The following SRRM3 variants were observed in gnomAD, a reference collection of about 807,000 sequenced individuals.
SRRM3 encodes serine/arginine repetitive matrix protein 3.
SRRM3 carries 27 observed loss-of-function variants against 66.2 expected under a neutral mutation model. The observed-to-expected ratio is 0.41, with a 90% CI of 0.30 to 0.56. The LOEUF is 0.56. Among genes scored for constraint, SRRM3 ranks in the 20% least tolerant of loss-of-function variants. SRRM3 has a pLI of 0.32. For synonymous variants in SRRM3, 391 were observed against 414.9 expected (o/e 0.94, Z 0.70); for missense variants, 918 against 991.9 (o/e 0.93, Z 1.00).
intron 11 of SRRM3, among the ~76,000 whole-genome samples, chr7:76,273,910 C>T (rs1030861191): frequency 1.4e-4 from 22 of 152,208 alleles, no homozygotes; most frequent in Non-Finnish European, 3.1e-4. Flanking sequence ...TGACTTCCAC[C>T]CCTAAATCCT....
chr7:76,283,519 T>C (rs1554612328), intron 14 of SRRM3: 1 of 448,062 alleles, frequency 2.2e-6, no homozygotes, highest in Non-Finnish European at 4.4e-6. Context: ...CTCCTTCATC[T>C]CAAGGTCCAG....
intron 1 of SRRM3, among the ~76,000 whole-genome samples, chr7:76,205,412 G>C (rs1800270893): frequency 6.6e-6 from 1 of 152,116 alleles, no homozygotes; most frequent in African/African-American, 2.4e-5. Flanking sequence ...GTTTTGTGAT[G>C]TTGGCCAAGC....
chr7:76,210,569 A>C (rs1218944351), intron 1 of SRRM3, among the ~76,000 whole-genome samples: 1 of 152,152 alleles, frequency 6.6e-6, no homozygotes, highest in African/African-American at 2.4e-5. Context: ...TGTGCTAGGC[A>C]TTAGGTAAAG....
intron 1 of SRRM3, among the ~76,000 whole-genome samples, chr7:76,213,334 T>C (rs1800482189): frequency 6.6e-6 from 1 of 152,122 alleles, no homozygotes; most frequent in Admixed American, 6.6e-5. Flanking sequence ...ACACTGGTGG[T>C]TTACCTTTCC....
At chr7:76,261,310 C>G in intron 6 of SRRM3, 42 bp from the exon 7 acceptor site, 1 of 362,064 alleles carries the variant, frequency 2.8e-6, no homozygotes, top group Non-Finnish European at 5.4e-6. Context: ...GCCCCCCACC[C>G]CCCACCCCAG....
intron 1 of SRRM3, among the ~76,000 whole-genome samples, chr7:76,225,335 T>TACTTGAA (rs879964304): frequency 3.1e-4 from 47 of 152,284 alleles, no homozygotes; most frequent in Non-Finnish European, 5.7e-4. Flanking sequence ...CTCAAGTGCT[T>TACTTGAA]ACTTGAAGCT....
intron 1 of SRRM3, among the ~76,000 whole-genome samples, chr7:76,217,607 A>G (rs1393290513): frequency 6.6e-6 from 1 of 152,168 alleles, no homozygotes; most frequent in African/African-American, 2.4e-5. Flanking sequence ...TTTTACGTCC[A>G]GCATAAAACC....
Position 76,285,270 on chromosome 7 carries a change from G to T in SRRM3, c.1734-345G>T. The T allele has an allele frequency of 7.1e-6, 2 of 282,464 alleles. No individual in the cohort carries two copies. The highest frequency in any genetic ancestry group is 4.0e-5 in the South Asian group (1 of 24,738). 17.5% of individuals were successfully genotyped at this position (282,464 alleles called of 1,614,324 possible). Reference sequence around the variant, plus strand: ...GTAGAGACAGGGTTTCATTATGTTGGCCAGACTGGTCTCAAACTTCTGACC... The same window carrying T: ...GTAGAGACAGGGTTTCATTATGTTGTCCAGACTGGTCTCAAACTTCTGACC... On this transcript the variant is annotated intron_variant, in intron 14 of 14. Coordinates refer to ENST00000611745, the MANE Select transcript of SRRM3 (RefSeq NM_001110199.3). This position sits in a 1 kb window ranked among gnomAD's most constrained non-coding sequence, Gnocchi z 4.1.
rs1802081198 is a variant in SRRM3, at chr7:76,267,147, G to A, written c.831-111G>A. 3.9e-6 allele frequency: 4 copies of A among 1,031,216 alleles called. No individual in the cohort carries two copies. In the South Asian group the frequency reaches 8.3e-5, roughly 21 times the overall value. The allele number at this position is 1,031,216 out of a possible 1,614,324, so 63.9% of individuals were successfully genotyped here. A position where few individuals can be genotyped will look rare whatever the true frequency, so the allele number is the denominator to read the frequency against. On this transcript the variant is annotated intron_variant, in intron 10 of 14. Transcript: ENST00000611745. ...TCCCAGCATGGTGAAAAGGCAGGTG[G>A]AGGGCTGCTCTCTTTCCCCGTGCTG...
chr7:76,230,655 G>A (rs782138854), intron 1 of SRRM3, among the ~76,000 whole-genome samples: 4 of 151,578 alleles, frequency 2.6e-5, no homozygotes, highest in Non-Finnish European at 2.9e-5. Flanking sequence ...GAAGGGAAGG[G>A]AAGGGAAGGG....
chr7:76,265,847 TATA>T (rs1802004773), intron 10 of SRRM3, among the ~76,000 whole-genome samples: 6 of 8,458 alleles, frequency 7.1e-4, no homozygotes, highest in African/African-American at 2.4e-3. Context: ...TATATATATA[TATA>T]TATATATATT....
At chr7:76,221,749 G>A (rs1231085736) in intron 1 of SRRM3, among the ~76,000 whole-genome samples, 7 of 152,140 alleles carry the variant, frequency 4.6e-5, no homozygotes, top group Admixed American at 4.6e-4. Flanking sequence ...GGCTATGAGT[G>A]TTTGTAATGA....
chr7:76,260,647 C>T (rs1038390474), intron 5 of SRRM3, among the ~76,000 whole-genome samples: 2 of 151,842 alleles, frequency 1.3e-5, no homozygotes, highest in South Asian at 2.1e-4. Context: ...ACTCACTGAC[C>T]GGGCCCGTGT....
At chr7:76,226,148 G>A (rs1479462855) in intron 1 of SRRM3, among the ~76,000 whole-genome samples, 3 of 152,184 alleles carry the variant, frequency 2.0e-5, no homozygotes, top group African/African-American at 7.2e-5. Context: ...CTGACTTTCC[G>A]AAACAGGCTG....
In SRRM3 at chr7:76,260,053, G is replaced by C; in HGVS notation, c.464+19G>C. ...GGTACAGGTCAGCGGCCGCCGCGGC[G>C]GGGGTGGGGGGCGCGCGGGGCTGCC... is the stretch of plus-strand genomic sequence containing the variant. On this transcript the variant is annotated intron_variant, in intron 4 of 14. Coordinates refer to ENST00000611745, the MANE Select transcript of SRRM3 (RefSeq NM_001110199.3). 6.7e-7 allele frequency: 1 copy of C among 1,484,062 alleles called. No individual in the cohort carries two copies. The highest frequency in any genetic ancestry group is 8.9e-7 in the Non-Finnish European group (1 of 1,127,292). 91.9% of individuals were successfully genotyped at this position (1,484,062 alleles called of 1,614,324 possible).
intron 2 of SRRM3, 87 bp downstream of exon 2, chr7:76,235,386 G>T: frequency 1.7e-6 from 2 of 1,170,478 alleles, no homozygotes; most frequent in Non-Finnish European, 2.3e-6. Context: ...TGGGCGTGGC[G>T]AACGTCGTGG....
At position 76,261,540 on chromosome 7, in the gene SRRM3, C is replaced by G. The variant is rs782393883; in HGVS notation, c.639-6C>G. On this transcript the variant is annotated splice_region_variant and splice_polypyrimidine_tract_variant and intron_variant, in intron 7 of 14. Transcript: ENST00000611745. The stretch of plus-strand genomic sequence containing the variant: ...GGCTCAAGAGAACTCCTTTATCGCC[C>G]TACAGGTCTGATTCTGGGTCCCGGA... 6.2e-7 allele frequency: 1 copy of G among 1,611,672 alleles called. No homozygotes were observed. Among genetic ancestry groups the G allele is most frequent in the East Asian group, 2.2e-5 (1 of 44,718 alleles).
At chr7:76,236,669 C>T (rs1449163661) in intron 2 of SRRM3, among the ~76,000 whole-genome samples, 1 of 152,200 alleles carries the variant, frequency 6.6e-6, no homozygotes, top group Non-Finnish European at 1.5e-5. Context: ...GGATCAAGAG[C>T]CCTGCTGGCT....
chr7:76,262,379 G>A (rs1801896055), intron 8 of SRRM3, among the ~76,000 whole-genome samples: 2 of 151,900 alleles, frequency 1.3e-5, no homozygotes, highest in South Asian at 2.1e-4. Flanking sequence ...GGTGGCAAGC[G>A]CCTGTAATCC....
Sources: gnomAD v4.1 joint callset for allele counts (sites outside exome capture counted in the v4.1 genomes callset) on GRCh38, gnomAD v4.1.1 for gene constraint, Gnocchi (gnomAD v3.1) non-coding constraint, MANE v1.5 for transcripts, NCBI Gene and HGNC (gene_info 2026-07-23, HGNC 2026-07-21) for gene names.